The following MAOB variants were observed in gnomAD, a reference collection of about 807,000 sequenced individuals.
The protein encoded by MAOB is amine oxidase [flavin-containing] B.
MAOB carries 15 observed loss-of-function variants against 41.9 expected under a neutral mutation model. The observed-to-expected ratio is 0.36, with a 90% CI of 0.24 to 0.55. The LOEUF (loss-of-function observed/expected upper bound fraction) is 0.55. Among genes scored for constraint, MAOB ranks in the 20% least tolerant of loss-of-function variants. The pLI, the probability that MAOB is intolerant of heterozygous loss-of-function variation, is 0.86. For missense variants in MAOB, 345 were observed against 398.7 expected, an observed-to-expected ratio of 0.87 and a Z score of 1.15; for synonymous variants, 167 against 144.2, an observed-to-expected ratio of 1.16 and a Z score of -1.13.
At chrX:43,806,145 A>C (rs1359164080) in intron 3 of MAOB, among the ~76,000 whole-genome samples, 1 of 112,031 alleles carries the variant, frequency 8.9e-6, no homozygotes, top group Non-Finnish European at 1.9e-5. Context: ...TACATTGCCA[A>C]GACCAGGATA....
At chrX:43,796,106 C>T (rs2034524460) in intron 6 of MAOB, among the ~76,000 whole-genome samples, 1 of 111,793 alleles carries the variant, frequency 8.9e-6, no homozygotes, top group South Asian at 3.7e-4. Flanking sequence ...TTGTAGATTC[C>T]CAGACTCCAA....
Position 43,802,386 on chromosome X carries a change from A to G in MAOB, c.385-123T>C, listed in dbSNP as rs1321070286. On this transcript the variant is annotated intron_variant, in intron 4 of 14. Coordinates refer to ENST00000378069, the MANE Select transcript of MAOB (RefSeq NM_000898.5). Reference sequence around the variant, plus strand: ...TAGTATTAAAAACTCTACCTTAAAGAGGAAAAATGTTAAGTTTTCCAAATT... The same window carrying G: ...TAGTATTAAAAACTCTACCTTAAAGGGGAAAAATGTTAAGTTTTCCAAATT... 8.0e-6 allele frequency: 4 copies of G among 496,917 alleles called. No individual in the cohort carries two copies. The Admixed American group carries it at 1.6e-4, about 20-fold the overall frequency. The allele number at this position is 496,917 out of a possible 1,213,427, so 41.0% of individuals were successfully genotyped here. A position where few individuals can be genotyped will look rare whatever the true frequency, so the allele number is the denominator to read the frequency against.
At chrX:43,796,977 C>T (rs1484038789) in intron 6 of MAOB, 148 bp downstream of exon 6, 25 of 531,682 alleles carry the variant, frequency 4.7e-5, no homozygotes, top group East Asian at 2.6e-4. Context: ...AACAGACTGC[C>T]TTACAAGAAA....
chrX:43,852,443 A>G (rs1022047935), intron 1 of MAOB, among the ~76,000 whole-genome samples: 2 of 112,529 alleles, frequency 1.8e-5, no homozygotes, highest in African/African-American at 6.5e-5. Flanking sequence ...TTTGAAATGC[A>G]TCAAAAATCA....
intron 1 of MAOB, among the ~76,000 whole-genome samples, chrX:43,846,984 C>A (rs776509455): frequency 8.9e-6 from 1 of 112,144 alleles, no homozygotes; most frequent in Non-Finnish European, 1.9e-5. Flanking sequence ...ACAATGTAAT[C>A]GCCACTGTTT....
Position 43,799,805 on chromosome X carries a change from A to G in MAOB, c.476+2367T>C, listed in dbSNP as rs922830657. Among the ~76,000 whole-genome samples, 5 of 111,641 alleles carry G rather than the reference A, an allele frequency of 4.5e-5. No homozygotes were observed. The Admixed American group carries it at 4.8e-4, about 11-fold the overall frequency. On this transcript the variant is annotated intron_variant, in intron 5 of 14. Transcript: ENST00000378069. ...TATAAGATAAAAGGATGAGAGAACGAGTGTCTTCCATATTTCTGCCCCTCC... is the reference window on the plus strand; with the variant it reads ...TATAAGATAAAAGGATGAGAGAACGGGTGTCTTCCATATTTCTGCCCCTCC...
chrX:43,806,693 G>A (rs2034666007), intron 3 of MAOB, among the ~76,000 whole-genome samples: 1 of 111,531 alleles, frequency 9.0e-6, no homozygotes, highest in African/African-American at 3.3e-5. Context: ...TCTGGAGATG[G>A]AGAATCCCCA....
chrX:43,791,323 T>C (rs1412536013), intron 8 of MAOB, among the ~76,000 whole-genome samples: 1 of 111,031 alleles, frequency 9.0e-6, no homozygotes, highest in Non-Finnish European at 1.9e-5. Flanking sequence ...CTCCTTGGAG[T>C]ACATCCCGCC....
chrX:43,794,665 C>T (rs1601978447), intron 7 of MAOB, among the ~76,000 whole-genome samples: 1 of 110,086 alleles, frequency 9.1e-6, no homozygotes, highest in Admixed American at 9.7e-5. Flanking sequence ...GTTGATAATA[C>T]CTTTATAAGT....
At chrX:43,869,712 T>C (rs1452354405) in intron 1 of MAOB, among the ~76,000 whole-genome samples, 1 of 112,228 alleles carries the variant, frequency 8.9e-6, no homozygotes, top group Non-Finnish European at 1.9e-5. Flanking sequence ...TTGAATCACA[T>C]AGAAAATTAA....
chrX:43,856,373 C>T (rs2035287550), intron 1 of MAOB, among the ~76,000 whole-genome samples: 1 of 112,519 alleles, frequency 8.9e-6, no homozygotes, highest in Non-Finnish European at 1.9e-5. Flanking sequence ...CATGAGCCAC[C>T]ACACCTGGCC....
chrX:43,774,568 G>A (rs1291451194), intron 12 of MAOB, among the ~76,000 whole-genome samples: 1 of 112,014 alleles, frequency 8.9e-6, no homozygotes, highest in Non-Finnish European at 1.9e-5. Context: ...GTTCAGAAAG[G>A]AGAAGTGACC....
At chrX:43,768,454 T>TGAC (rs2034139326) in intron 14 of MAOB, among the ~76,000 whole-genome samples, 200 bp downstream of exon 14, 1 of 111,636 alleles carries the variant, frequency 9.0e-6, no homozygotes, top group Admixed American at 9.5e-5. Context: ...GTAATGAATG[T>TGAC]GACAGCTACA....
intron 3 of MAOB, among the ~76,000 whole-genome samples, chrX:43,817,856 T>G (rs1602001237): frequency 8.9e-6 from 1 of 112,364 alleles, no homozygotes; most frequent in Middle Eastern, 4.6e-3. Flanking sequence ...TTTATTATTC[T>G]TCATAGCAAC....
In MAOB at chrX:43,877,739, C is replaced by T. The variant is rs138422056; in HGVS notation, c.46+4515G>A. ...AAGACTTCCAGAATTTCTCCTGAAG[C>T]GGAACCCAGTGGGTCTCAGAGCCCA... On this transcript the variant is annotated intron_variant, in intron 1 of 14. Transcript: ENST00000378069. 0.014 allele frequency among the ~76,000 whole-genome samples: 1,521 copies of T among 111,793 alleles called. 41 individuals carry two copies. In the South Asian group the frequency reaches 0.17, roughly 12 times the overall value.
intron 1 of MAOB, among the ~76,000 whole-genome samples, chrX:43,852,540 A>G (rs927642021): frequency 1.8e-5 from 2 of 111,949 alleles, no homozygotes; most frequent in Non-Finnish European, 3.8e-5. Context: ...TGTGGAGTCT[A>G]GTTGGTTGGT....
At chrX:43,849,176 G>A (rs189495775) in intron 1 of MAOB, among the ~76,000 whole-genome samples, 4 of 111,771 alleles carry the variant, frequency 3.6e-5, no homozygotes, top group South Asian at 3.7e-4. Flanking sequence ...AGCATTGACC[G>A]TGTGCCAGCT....
At chrX:43,830,378 C>T (rs1417840120) in intron 3 of MAOB, among the ~76,000 whole-genome samples, 4 of 111,421 alleles carry the variant, frequency 3.6e-5, no homozygotes, top group Non-Finnish European at 7.5e-5. Context: ...CTCAGCTAAG[C>T]CCAGTAATAG....
At chrX:43,779,075 C>T (rs1050433815) in intron 10 of MAOB, among the ~76,000 whole-genome samples, 7 of 111,559 alleles carry the variant, frequency 6.3e-5, no homozygotes, top group African/African-American at 2.3e-4. Context: ...TATGAAAATG[C>T]CTAAGTTCTT....
Sources: allele counts gnomAD v4.1 joint callset (sites outside exome capture counted in the v4.1 genomes callset), GRCh38; gene constraint gnomAD v4.1.1; transcripts MANE v1.5; gene names NCBI Gene and HGNC (gene_info 2026-07-23, HGNC 2026-07-21).